Variants in DOCK8 observed in about 807,000 individuals in gnomAD.
DOCK8 encodes dedicator of cytokinesis protein 8.
A neutral mutation model predicts 245.6 loss-of-function variants in DOCK8; 141 were observed. That is an observed-to-expected ratio of 0.57 (90% CI 0.50 to 0.66). DOCK8 has a LOEUF of 0.66. Among genes scored for constraint, DOCK8 ranks in the 30% least tolerant of loss-of-function variants. DOCK8 has a pLI of 0.00. For missense variants in DOCK8, 2,965 were observed against 2,603.4 expected, an observed-to-expected ratio of 1.14 and a Z score of -3.02; for synonymous variants, 1,168 against 970.2, an observed-to-expected ratio of 1.20 and a Z score of -3.79.
At chr9:350,131 G>C (rs573295043) in intron 14 of DOCK8, among the ~76,000 whole-genome samples, 1 of 152,120 alleles carries the variant, frequency 6.6e-6, no homozygotes, top group South Asian at 2.1e-4. Context: ...CTTCTTTTAA[G>C]AGACAGGATC....
At chr9:391,907 G>A (rs1343683805) in intron 24 of DOCK8, among the ~76,000 whole-genome samples, 1 of 149,966 alleles carries the variant, frequency 6.7e-6, no homozygotes, top group Admixed American at 6.7e-5. Flanking sequence ...GGGAGGCTGA[G>A]GCAGGCAGGT....
intron 38 of DOCK8, 77 bp downstream of exon 38, chr9:434,052 A>G (rs746638650): frequency 1.1e-5 from 11 of 1,008,518 alleles, no homozygotes; most frequent in Admixed American, 8.5e-5. Flanking sequence ...TACTAATGTA[A>G]TGATCACAGC....
chr9:399,256 C>T lies in DOCK8; in HGVS notation c.3231C>T (p.Ser1077=). 1.2e-6 allele frequency: 2 copies of T among 1,611,932 alleles called. No individual in the cohort carries two copies. Among genetic ancestry groups the T allele is most frequent in the Non-Finnish European group, 1.7e-6 (2 of 1,179,050 alleles). Residue 1077 remains serine (S), a synonymous_variant, in exon 26 of 48, where the codon AGC becomes AGT. Coordinates refer to ENST00000432829, the MANE Select transcript of DOCK8 (RefSeq NM_203447.4). The part of the protein sequence containing the change: ...FVFNLIRHYC[S]QLSAKLSNLP... Reference sequence around the variant, plus strand: ...TTAACCTCATCAGACATTATTGCAGCCAGGTGAGTGTCCCCCCCACCCCCA... The same window carrying T: ...TTAACCTCATCAGACATTATTGCAGTCAGGTGAGTGTCCCCCCCACCCCCA...
chr9:339,820 C>T (rs1474920659), intron 13 of DOCK8, among the ~76,000 whole-genome samples: 2 of 152,044 alleles, frequency 1.3e-5, no homozygotes, highest in African/African-American at 4.8e-5. Flanking sequence ...GGCTGGAAGC[C>T]AATTTTAAAA....
intron 18 of DOCK8, among the ~76,000 whole-genome samples, chr9:374,174 C>G (rs2053418282): frequency 6.6e-6 from 1 of 152,194 alleles, no homozygotes; most frequent in Non-Finnish European, 1.5e-5. Context: ...CTTACTTGCG[C>G]TATGCTGTGT....
rs550678316 is a variant in DOCK8, at chr9:322,667, C to A, written c.828-3004C>A. Among the ~76,000 whole-genome samples the A allele has an allele frequency of 5.3e-5, 8 of 152,304 alleles. No individual in the cohort carries two copies. In the South Asian group the frequency reaches 1.4e-3, roughly 28 times the overall value. ...CAATTCTCTTTTTCTTTCTCGGAAC[C>A]ACAGAGGACTTACTACTCAGTACCA... On this transcript the variant is annotated intron_variant, in intron 7 of 47. Transcript: ENST00000432829.
At chr9:252,244 A>G (rs969782077) in intron 1 of DOCK8, among the ~76,000 whole-genome samples, 9 of 151,548 alleles carry the variant, frequency 5.9e-5, no homozygotes, top group African/African-American at 1.9e-4. Flanking sequence ...AAGTGCTGGG[A>G]TTACAAGCGT....
chr9:306,123 A>C (rs1283272043), intron 5 of DOCK8, among the ~76,000 whole-genome samples: 1 of 152,214 alleles, frequency 6.6e-6, no homozygotes. Context: ...TCAAGTTTGC[A>C]CAGAACTTCT....
At chr9:214,674 C>G (rs751294659), upstream of DOCK8, 11 of 1,592,816 alleles carry the variant, frequency 6.9e-6, no homozygotes, top group Non-Finnish European at 9.4e-6. Flanking sequence ...GGTCGGCGGC[C>G]CCGGGCAGAG....
chr9:214,614 G>A (rs1308401729), upstream of DOCK8: 1 of 1,613,632 alleles, frequency 6.2e-7, no homozygotes, highest in Non-Finnish European at 8.5e-7. Context: ...GGAGCTTCCG[G>A]CCTGCGCGCA....
At chr9:362,778 A>G (rs2052789542) in intron 14 of DOCK8, among the ~76,000 whole-genome samples, 1 of 146,944 alleles carries the variant, frequency 6.8e-6, no homozygotes, top group African/African-American at 2.4e-5. Context: ...CTTGGGAATA[A>G]TTAACAGGGT....
At chr9:417,088 G>C (rs1177455914) in intron 29 of DOCK8, among the ~76,000 whole-genome samples, 1 of 152,088 alleles carries the variant, frequency 6.6e-6, no homozygotes, top group Non-Finnish European at 1.5e-5. Flanking sequence ...TGAGGCCAGG[G>C]GTTCAAGACC....
intron 7 of DOCK8, among the ~76,000 whole-genome samples, chr9:318,826 A>G (rs191833631): frequency 7.2e-5 from 11 of 152,314 alleles, no homozygotes; most frequent in Admixed American, 5.9e-4. Context: ...ACCTGCCCCG[A>G]CAGGATGCAT....
At chr9:219,681 G>A (rs1184641057) in intron 1 of DOCK8, among the ~76,000 whole-genome samples, 6 of 152,150 alleles carry the variant, frequency 3.9e-5, no homozygotes, top group African/African-American at 9.6e-5. Context: ...TAGATGGCTC[G>A]AGCCCAGGAG....
In DOCK8 at chr9:408,777, T is replaced by A. The variant is rs574117284; in HGVS notation, c.3530+1708T>A. Among the ~76,000 whole-genome samples the A allele has an allele frequency of 2.0e-5, 3 of 152,320 alleles. No individual in the cohort carries two copies. The South Asian group carries it at 6.2e-4, about 32-fold the overall frequency. ...CTGTTCTGGATTCCTTGTAAAATTG[T>A]TGCTGTTATATTACTAGCAACAAGG... On this transcript the variant is annotated intron_variant, in intron 28 of 47. Transcript: ENST00000432829.
At chr9:400,922 A>ACCG (rs2055003303) in intron 26 of DOCK8, among the ~76,000 whole-genome samples, 1 of 108,354 alleles carries the variant, frequency 9.2e-6, no homozygotes, top group African/African-American at 3.4e-5. Flanking sequence ...CTCCTTCACC[A>ACCG]TCACCACAAC....
chr9:452,558 T>G (rs1410205235), intron 46 of DOCK8: 2 of 157,042 alleles, frequency 1.3e-5, no homozygotes, highest in Non-Finnish European at 2.8e-5. Context: ...TCAAACCAGG[T>G]CTTCTGAATC....
intron 25 of DOCK8, among the ~76,000 whole-genome samples, chr9:397,673 G>A (rs2054529429): frequency 6.6e-6 from 1 of 152,206 alleles, no homozygotes; most frequent in South Asian, 2.1e-4. Context: ...CTGGGTGACA[G>A]AGTGAGACTC....
intron 1 of DOCK8, among the ~76,000 whole-genome samples, chr9:259,598 G>A (rs921888249): frequency 6.6e-6 from 1 of 152,160 alleles, no homozygotes; most frequent in African/African-American, 2.4e-5. Context: ...GATTCACTGA[G>A]GTGCTCATCA....
Sources: gnomAD v4.1 joint callset for allele counts (sites outside exome capture counted in the v4.1 genomes callset) on GRCh38, gnomAD v4.1.1 for gene constraint, MANE v1.5 for transcripts, NCBI Gene and HGNC (gene_info 2026-07-23, HGNC 2026-07-21) for gene names.